NPAS3: variants seen among roughly 807,000 people sequenced by gnomAD.
NPAS3 encodes neuronal PAS domain protein 3, also known as neuronal PAS domain-containing protein 3.
NPAS3 carries 14 observed loss-of-function variants against 73.1 expected under a neutral mutation model. That is an observed-to-expected ratio of 0.19 (90% CI 0.13 to 0.30). The LOEUF is 0.30. NPAS3 is among the 10% of genes least tolerant of loss of function. NPAS3 has a pLI of 1.00. For synonymous variants in NPAS3, 620 were observed against 541.5 expected, an observed-to-expected ratio of 1.14 and a Z score of -2.01; for missense variants, 1,096 against 1,250.0, an observed-to-expected ratio of 0.88 and a Z score of 1.86.
At chr14:33,446,873 A>G (rs1247517667) in intron 4 of NPAS3, among the ~76,000 whole-genome samples, 1 of 152,258 alleles carries the variant, frequency 6.6e-6, no homozygotes, top group Non-Finnish European at 1.5e-5. Context: ...GTTTTCTAAT[A>G]TGTTGATTTG....
intron 4 of NPAS3, among the ~76,000 whole-genome samples, chr14:33,373,711 C>G (rs1180812439): frequency 6.6e-6 from 1 of 152,088 alleles, no homozygotes; most frequent in Non-Finnish European, 1.5e-5. Flanking sequence ...TAGGTAAACC[C>G]TCTTGTATCT....
intron 1 of NPAS3, among the ~76,000 whole-genome samples, chr14:32,961,856 G>A (rs1357973883): frequency 6.6e-6 from 1 of 152,112 alleles, no homozygotes; most frequent in Non-Finnish European, 1.5e-5. Flanking sequence ...CTAAATTTTA[G>A]TGGTAAATAA....
chr14:33,346,856 C>G lies in NPAS3; in HGVS notation c.386-20330C>G, dbSNP rs376157431. On this transcript the variant is annotated intron_variant, in intron 3 of 11. Coordinates refer to ENST00000356141, the Ensembl canonical transcript of NPAS3. ...ATCTGGGCACTAACATGGTGGGAAGCTGGGAAGCATTTCAGAATAGGTCAA... is the reference window on the plus strand; with the variant it reads ...ATCTGGGCACTAACATGGTGGGAAGGTGGGAAGCATTTCAGAATAGGTCAA... Among the ~76,000 whole-genome samples the G allele has an allele frequency of 1.9e-4, 29 of 152,216 alleles. No individual in the cohort carries two copies. In the East Asian group the frequency reaches 2.9e-3, roughly 15 times the overall value.
At chr14:33,467,610 T>G (rs2050586593) in intron 4 of NPAS3, among the ~76,000 whole-genome samples, 1 of 152,198 alleles carries the variant, frequency 6.6e-6, no homozygotes, top group Non-Finnish European at 1.5e-5. Context: ...GAGAGCTAAC[T>G]ACCTGGAAAT....
At position 33,254,656 on chromosome 14, in the gene NPAS3, G is replaced by A. The variant is rs115671051; in HGVS notation, c.385+39230G>A. Among the ~76,000 whole-genome samples the A allele has an allele frequency of 2.5e-3, 380 of 152,178 alleles. 2 individuals carry two copies. The highest frequency in any genetic ancestry group is 8.7e-3 in the African/African-American group (360 of 41,536). ...TTTGAGGCAACCAGTTATAAAAGCC[G>A]TTTATAAAGTTATGTAATACAATAG... is the stretch of plus-strand genomic sequence containing the variant. On this transcript the variant is annotated intron_variant, in intron 3 of 11. Transcript: ENST00000356141.
chr14:33,577,355 A>G (rs1472557586), intron 5 of NPAS3, among the ~76,000 whole-genome samples: 1 of 152,096 alleles, frequency 6.6e-6, no homozygotes, highest in Non-Finnish European at 1.5e-5. Context: ...GCTTTCTGAG[A>G]TTTGTGAGGC....
chr14:33,158,136 G>A (rs754969379), intron 2 of NPAS3, among the ~76,000 whole-genome samples: 64 of 152,186 alleles, frequency 4.2e-4, no homozygotes, highest in Non-Finnish European at 6.3e-4. Flanking sequence ...ATTCAAAATC[G>A]TTGAGCAGTG....
chr14:33,585,537 A>C (rs534440406), intron 5 of NPAS3, among the ~76,000 whole-genome samples: 7 of 152,326 alleles, frequency 4.6e-5, no homozygotes, highest in Middle Eastern at 3.4e-3. Flanking sequence ...TTTTGGATTG[A>C]AATAACCTTA....
intron 4 of NPAS3, among the ~76,000 whole-genome samples, chr14:33,440,142 C>T (rs984779809): frequency 4.0e-5 from 6 of 151,272 alleles, no homozygotes; most frequent in South Asian, 4.2e-4. Context: ...GAAAAAAGAC[C>T]ATTGTGGGAG....
At position 33,393,736 on chromosome 14, in the gene NPAS3, T is replaced by C. The variant is rs558176841; in HGVS notation, c.468+26468T>C. On this transcript the variant is annotated intron_variant, in intron 4 of 11. Transcript: ENST00000356141. ...GGCTGTTGGCTCAGTTCATGATATATGATACTGCTAGCATTTCAGTGCTCT... is the reference window on the plus strand; with the variant it reads ...GGCTGTTGGCTCAGTTCATGATATACGATACTGCTAGCATTTCAGTGCTCT... Among the ~76,000 whole-genome samples the C allele has an allele frequency of 6.6e-5, 10 of 152,262 alleles. No homozygotes were observed. In the South Asian group the frequency reaches 1.2e-3, roughly 19 times the overall value.
chr14:33,789,617 C>T (rs1296322887), intron 9 of NPAS3, among the ~76,000 whole-genome samples: 1 of 83,210 alleles, frequency 1.2e-5, no homozygotes, highest in Non-Finnish European at 2.1e-5. Flanking sequence ...GAGACGGAGT[C>T]TCGCTCTGTC....
At chr14:33,053,787 CCTT>C (rs1409152924) in intron 1 of NPAS3, among the ~76,000 whole-genome samples, 1 of 152,120 alleles carries the variant, frequency 6.6e-6, no homozygotes, top group Non-Finnish European at 1.5e-5. Flanking sequence ...GAGTGGTAGT[CCTT>C]CTTTTCCCCC....
chr14:32,949,974 A>G (rs145382957), intron 1 of NPAS3, among the ~76,000 whole-genome samples: 2,077 of 152,186 alleles, frequency 0.014, 38 homozygotes, highest in African/African-American at 0.044. Context: ...ATTATACACC[A>G]AAGTATAGAG....
At chr14:33,676,748 G>A (rs780577150) in intron 6 of NPAS3, among the ~76,000 whole-genome samples, 1 of 152,220 alleles carries the variant, frequency 6.6e-6, no homozygotes, top group Non-Finnish European at 1.5e-5. Flanking sequence ...CTATGGCAGA[G>A]GCATTCCAAA....
At chr14:33,450,620 G>A (rs941697985) in intron 4 of NPAS3, among the ~76,000 whole-genome samples, 6 of 151,958 alleles carry the variant, frequency 3.9e-5, no homozygotes, top group East Asian at 1.9e-4. Context: ...TTGTTATTTC[G>A]CTGCCAGATT....
chr14:33,728,072 A>C (rs557213224), intron 6 of NPAS3, among the ~76,000 whole-genome samples: 3 of 152,190 alleles, frequency 2.0e-5, no homozygotes. Flanking sequence ...GACACTGTGT[A>C]TATTTCCCCA....
chr14:33,396,187 A>G (rs572839770), intron 4 of NPAS3, among the ~76,000 whole-genome samples: 15 of 152,322 alleles, frequency 9.8e-5, no homozygotes, highest in Non-Finnish European at 1.3e-4. Context: ...GGCAATATCT[A>G]TAATGAAGGC....
chr14:33,797,331 T>C, intron 10 of NPAS3, 126 bp from the exon 11 acceptor site: 3 of 1,036,614 alleles, frequency 2.9e-6, no homozygotes, highest in Non-Finnish European at 4.2e-6. Context: ...AGAAATGATT[T>C]CATGTTTAGT....
At chr14:33,319,771 A>G (rs1315442646) in intron 3 of NPAS3, among the ~76,000 whole-genome samples, 2 of 152,282 alleles carry the variant, frequency 1.3e-5, no homozygotes, top group Admixed American at 1.3e-4. Context: ...AAATGCCAAC[A>G]GGGCCAAGGT....
Sources: gnomAD v4.1 joint callset for allele counts (sites outside exome capture counted in the v4.1 genomes callset) on GRCh38, gnomAD v4.1.1 for gene constraint, MANE v1.5 for transcripts, NCBI Gene and HGNC (gene_info 2026-07-23, HGNC 2026-07-21) for gene names.